GALNT13: variants seen among roughly 807,000 people sequenced by gnomAD.
GALNT13 encodes the protein UDP-GalNAc:polypeptide N-acetylgalactosaminyltransferase 13.
GALNT13 carries 28 observed loss-of-function variants against 64.2 expected under a neutral mutation model. The observed-to-expected ratio is 0.44, with a 90% CI of 0.32 to 0.60. The LOEUF is 0.60. Among genes scored for constraint, GALNT13 ranks in the 20% least tolerant of loss-of-function variants. The pLI is 0.05. For synonymous variants in GALNT13, 214 were observed against 224.6 expected (o/e 0.95, Z 0.42); for missense variants, 577 against 669.8 (o/e 0.86, Z 1.53).
chr2:153,481,683 C>T, the GALNT13 span, among the ~76,000 whole-genome samples: 1 of 152,094 alleles, frequency 6.6e-6, no homozygotes, highest in Non-Finnish European at 1.5e-5. Context: ...GAAACACTGC[C>T]TACTCTTTCT....
chr2:153,163,950 A>G, the GALNT13 span, among the ~76,000 whole-genome samples: 174 of 151,552 alleles, frequency 1.1e-3, no homozygotes, highest in East Asian at 1.8e-3. Context: ...CCCGGGAGGC[A>G]GAACTTGCAG....
At chr2:153,397,477 G>C in the GALNT13 span, among the ~76,000 whole-genome samples, 1 of 152,006 alleles carries the variant, frequency 6.6e-6, no homozygotes. Context: ...CACAACGTAC[G>C]ATCTGATATT....
intron 9 of GALNT13, among the ~76,000 whole-genome samples, chr2:154,312,633 C>G (rs186769419): frequency 5.3e-4 from 80 of 152,248 alleles, no homozygotes; most frequent in African/African-American, 1.9e-3. Context: ...TCTATCTTAG[C>G]CTTTATGGCT....
the GALNT13 span, among the ~76,000 whole-genome samples, chr2:153,389,262 A>G: frequency 6.6e-6 from 1 of 152,092 alleles, no homozygotes. Context: ...TTTGAATTAT[A>G]TATTGGGAGG....
the GALNT13 span, among the ~76,000 whole-genome samples, chr2:153,689,510 T>A: frequency 6.6e-6 from 1 of 152,014 alleles, no homozygotes; most frequent in Non-Finnish European, 1.5e-5. Flanking sequence ...TTTGTCTAAT[T>A]CAAAATCACG....
chr2:153,192,203 GT>G, the GALNT13 span, among the ~76,000 whole-genome samples: 2 of 151,598 alleles, frequency 1.3e-5, no homozygotes, highest in African/African-American at 4.8e-5. Context: ...TCTTAGCATT[GT>G]TTTTGCTATA....
intron 9 of GALNT13, among the ~76,000 whole-genome samples, chr2:154,354,340 G>A (rs1696591490): frequency 6.7e-6 from 1 of 149,236 alleles, no homozygotes; most frequent in South Asian, 2.1e-4. Context: ...CCACTCCACA[G>A]GTTGCCTTTT....
intron 9 of GALNT13, among the ~76,000 whole-genome samples, chr2:154,302,389 C>T (rs576034467): frequency 6.6e-6 from 1 of 152,238 alleles, no homozygotes; most frequent in Non-Finnish European, 1.5e-5. Flanking sequence ...TCATTATTGT[C>T]ATTATTATGT....
At chr2:153,927,544 A>T (rs1690234168) in intron 2 of GALNT13, among the ~76,000 whole-genome samples, 1 of 152,174 alleles carries the variant, frequency 6.6e-6, no homozygotes, top group African/African-American at 2.4e-5. Flanking sequence ...ATTGATTGAC[A>T]AATTATCATC....
chr2:153,077,101 G>A, the GALNT13 span, among the ~76,000 whole-genome samples: 1,164 of 151,824 alleles, frequency 7.7e-3, 16 homozygotes, highest in African/African-American at 0.027. Context: ...ACAGGTGCCC[G>A]CCACCACACC....
At chr2:153,521,767 T>C in the GALNT13 span, among the ~76,000 whole-genome samples, 3 of 152,182 alleles carry the variant, frequency 2.0e-5, no homozygotes, top group Non-Finnish European at 2.9e-5. Flanking sequence ...TTTCCTAGAA[T>C]GTCATATAGT....
the GALNT13 span, among the ~76,000 whole-genome samples, chr2:153,363,652 C>A: frequency 2.6e-5 from 4 of 152,074 alleles, no homozygotes; most frequent in Non-Finnish European, 5.9e-5. Context: ...GGATAAATTC[C>A]TGGACATATA....
At chr2:153,597,941 G>A in the GALNT13 span, among the ~76,000 whole-genome samples, 3,048 of 152,132 alleles carry the variant, frequency 0.02, 103 homozygotes, top group African/African-American at 0.07. Context: ...GCAAGCATTG[G>A]CAAGGCTGTG....
rs1258448330 is a variant in GALNT13, at chr2:154,073,157, A to G, written c.143-67180A>G. On this transcript the variant is annotated intron_variant, in intron 3 of 12. Transcript: ENST00000392825. ...CTACACATCATTTATAATGAAATGCAAAGTAAGTGTAAACAATACTGGCTT... is the reference window on the plus strand; with the variant it reads ...CTACACATCATTTATAATGAAATGCGAAGTAAGTGTAAACAATACTGGCTT... Among the ~76,000 whole-genome samples, 5 of 152,026 alleles carry G rather than the reference A, an allele frequency of 3.3e-5. No individual in the cohort carries two copies. The South Asian group carries it at 6.2e-4, about 19-fold the overall frequency.
intron 9 of GALNT13, among the ~76,000 whole-genome samples, chr2:154,389,612 A>C (rs906982248): frequency 1.3e-5 from 2 of 152,170 alleles, no homozygotes; most frequent in African/African-American, 4.8e-5. Flanking sequence ...GGAAGAATTT[A>C]ACTGAAATAA....
the GALNT13 span, among the ~76,000 whole-genome samples, chr2:153,660,717 G>A: frequency 7.9e-5 from 12 of 151,880 alleles, no homozygotes; most frequent in African/African-American, 2.7e-4. Flanking sequence ...TGTTCTGTGT[G>A]TCATTTTAAC....
At chr2:153,607,946 C>CATAT in the GALNT13 span, among the ~76,000 whole-genome samples, 1 of 152,046 alleles carries the variant, frequency 6.6e-6, no homozygotes, top group African/African-American at 2.4e-5. Context: ...GCTTGTAGCT[C>CATAT]ATATATATAT....
the GALNT13 span, among the ~76,000 whole-genome samples, chr2:153,616,875 T>C: frequency 1.3e-5 from 2 of 152,028 alleles, no homozygotes; most frequent in African/African-American, 4.8e-5. Context: ...CAAACAAGGA[T>C]AATTTGACTT....
intron 4 of GALNT13, among the ~76,000 whole-genome samples, chr2:154,177,618 C>T (rs528114164): frequency 9.9e-5 from 15 of 151,912 alleles, no homozygotes; most frequent in African/African-American, 2.7e-4. Flanking sequence ...TAAAGTAGCG[C>T]ATTAATGCAA....
Sources: allele counts gnomAD v4.1 joint callset (sites outside exome capture counted in the v4.1 genomes callset), GRCh38; gene constraint gnomAD v4.1.1; transcripts MANE v1.5; gene names NCBI Gene and HGNC (gene_info 2026-07-23, HGNC 2026-07-21).